Variants in SAMMSON observed in about 807,000 individuals in gnomAD.
SAMMSON encodes survival associated mitochondrial melanoma specific oncogenic non-coding RNA.
intron 4 of SAMMSON, among the ~76,000 whole-genome samples, chr3:70,079,297 C>A (rs2067259579): frequency 6.6e-6 from 1 of 152,158 alleles, no homozygotes; most frequent in African/African-American, 2.4e-5. Context: ...CATTGATCAT[C>A]TTGATAGCCT....
At position 70,384,664 on chromosome 3, in the gene SAMMSON, A is replaced by C. The variant is rs762907470; in HGVS notation, n.914-4910A>C. On this transcript the variant is annotated intron_variant and non_coding_transcript_variant, in intron 9 of 9. Transcript: ENST00000642114. ...CCCGCAACATCTATAAACAAAAGAC[A>C]CAATATGCTCATCAATAGGTCAGAT... Among the ~76,000 whole-genome samples, 20 of 152,224 alleles carry C rather than the reference A, an allele frequency of 1.3e-4. 3 individuals are homozygous for C. In the South Asian group the frequency reaches 2.9e-3, roughly 22 times the overall value.
intron 4 of SAMMSON, among the ~76,000 whole-genome samples, chr3:70,192,726 T>C (rs763014566): frequency 6.6e-6 from 1 of 152,224 alleles, no homozygotes; most frequent in Non-Finnish European, 1.5e-5. Flanking sequence ...TGAAGAATCA[T>C]ATTCGTAGTA....
At chr3:70,340,798 T>G (rs1702705868) in intron 7 of SAMMSON, among the ~76,000 whole-genome samples, 2 of 152,206 alleles carry the variant, frequency 1.3e-5, no homozygotes, top group South Asian at 4.1e-4. Flanking sequence ...CTTGCACCTT[T>G]TACTTAGCTG....
intron 4 of SAMMSON, among the ~76,000 whole-genome samples, chr3:70,097,698 G>A (rs1056900305): frequency 1.3e-5 from 2 of 152,130 alleles, no homozygotes; most frequent in Non-Finnish European, 1.5e-5. Context: ...TTTCTCCTAT[G>A]TGACATATAT....
At chr3:70,081,518 A>C (rs1055599607) in intron 4 of SAMMSON, among the ~76,000 whole-genome samples, 1 of 152,048 alleles carries the variant, frequency 6.6e-6, no homozygotes, top group Non-Finnish European at 1.5e-5. Flanking sequence ...CTCTTCACTC[A>C]CTCCCCATTG....
chr3:70,136,537 A>G (rs922452211), intron 4 of SAMMSON, among the ~76,000 whole-genome samples: 2 of 152,228 alleles, frequency 1.3e-5, no homozygotes, highest in African/African-American at 4.8e-5. Context: ...AGAGACTGTG[A>G]GCCAGAACCA....
At chr3:70,277,476 C>T (rs1404612408) in intron 6 of SAMMSON, among the ~76,000 whole-genome samples, 2 of 152,126 alleles carry the variant, frequency 1.3e-5, no homozygotes, top group African/African-American at 4.8e-5. Context: ...TCTTGATTCA[C>T]TTGATAATAT....
intron 1 of SAMMSON, among the ~76,000 whole-genome samples, chr3:70,010,286 A>G (rs1276991945): frequency 1.3e-5 from 2 of 152,070 alleles, no homozygotes; most frequent in Non-Finnish European, 2.9e-5. Flanking sequence ...GTCTCTTTCT[A>G]GATCTCTAAG....
At chr3:70,118,760 G>A (rs916116679) in intron 4 of SAMMSON, among the ~76,000 whole-genome samples, 9 of 152,244 alleles carry the variant, frequency 5.9e-5, no homozygotes, top group Admixed American at 5.2e-4. Flanking sequence ...AACAACCTTT[G>A]TGAGGTAGCT....
intron 4 of SAMMSON, among the ~76,000 whole-genome samples, chr3:70,079,600 C>A (rs1047931001): frequency 6.6e-6 from 1 of 152,060 alleles, no homozygotes; most frequent in South Asian, 2.1e-4. Flanking sequence ...ATAGGCTTTG[C>A]GTTAGATAAT....
chr3:70,328,912 A>C (rs1355803071), intron 7 of SAMMSON, among the ~76,000 whole-genome samples: 2 of 152,324 alleles, frequency 1.3e-5, no homozygotes, highest in African/African-American at 2.4e-5. Context: ...GAAAAATCTT[A>C]AAAGTAACTT....
chr3:70,020,517 C>G (rs1299968336), intron 3 of SAMMSON, among the ~76,000 whole-genome samples: 2 of 152,124 alleles, frequency 1.3e-5, no homozygotes, highest in African/African-American at 4.8e-5. Context: ...TGGCTGCAGG[C>G]AAACTTGTCA....
intron 6 of SAMMSON, among the ~76,000 whole-genome samples, chr3:70,284,755 G>A (rs560135537): frequency 2.6e-5 from 4 of 152,136 alleles, no homozygotes; most frequent in African/African-American, 4.8e-5. Flanking sequence ...GAGGGTGAAG[G>A]GTAGGAGGAG....
At chr3:70,002,038 A>C (rs1261507541) in intron 1 of SAMMSON, among the ~76,000 whole-genome samples, 1 of 152,164 alleles carries the variant, frequency 6.6e-6, no homozygotes, top group Non-Finnish European at 1.5e-5. Flanking sequence ...ATAGAGACCT[A>C]CTTTACTCTC....
At chr3:70,055,387 A>G (rs1465481219) in intron 3 of SAMMSON, among the ~76,000 whole-genome samples, 1 of 152,128 alleles carries the variant, frequency 6.6e-6, no homozygotes, top group Admixed American at 6.6e-5. Flanking sequence ...TATATTTTTA[A>G]TCTGTACTAT....
chr3:70,034,532 T>G (rs77857887), intron 3 of SAMMSON, among the ~76,000 whole-genome samples: 7,060 of 152,070 alleles, frequency 0.046, 372 homozygotes, highest in African/African-American at 0.13. Flanking sequence ...ACCCCTGGAG[T>G]GCAGAGAAAT....
At chr3:70,128,331 G>A (rs2067467755) in intron 4 of SAMMSON, among the ~76,000 whole-genome samples, 1 of 152,018 alleles carries the variant, frequency 6.6e-6, no homozygotes, top group Non-Finnish European at 1.5e-5. Context: ...TCACCTTGAC[G>A]GTCCCTGAAT....
intron 4 of SAMMSON, among the ~76,000 whole-genome samples, chr3:70,160,997 A>G (rs1206561883): frequency 6.6e-6 from 1 of 152,090 alleles, no homozygotes; most frequent in East Asian, 1.9e-4. Flanking sequence ...TAGAAATACA[A>G]TTTAGTTTTG....
At chr3:70,363,187 A>G (rs1390076094) in intron 9 of SAMMSON, among the ~76,000 whole-genome samples, 8 of 152,100 alleles carry the variant, frequency 5.3e-5, no homozygotes, top group South Asian at 2.1e-4. Context: ...CCTCAAAATA[A>G]CAAAGGCCAT....
Sources: gnomAD v4.1 joint callset for allele counts (sites outside exome capture counted in the v4.1 genomes callset) on GRCh38, gnomAD v4.1.1 for gene constraint, MANE v1.5 for transcripts, NCBI Gene and HGNC (gene_info 2026-07-23, HGNC 2026-07-21) for gene names.